Variants in CFAP20DC observed in about 807,000 individuals in gnomAD.
CFAP20DC encodes CFAP20 domain containing, also known as protein CFAP20DC.
Under a neutral mutation model 101.7 loss-of-function variants are expected in CFAP20DC, and 84 were observed. The observed-to-expected ratio is 0.83, with a 90% confidence interval of 0.69 to 0.99. The LOEUF (loss-of-function observed/expected upper bound fraction) is 0.99. Among genes scored for constraint, CFAP20DC ranks in the 50% least tolerant of loss-of-function variants. The pLI is 0.00. For missense variants in CFAP20DC, 1,007 were observed against 970.3 expected, an observed-to-expected ratio of 1.04 and a Z score of -0.50; for synonymous variants, 359 against 351.2, an observed-to-expected ratio of 1.02 and a Z score of -0.25.
At position 58,849,142 on chromosome 3, in the gene CFAP20DC, G is replaced by A; in HGVS notation, c.1861C>T (p.Pro621Ser). The change falls in exon 13 of 17, where the codon CCC becomes TCC. Residue 621 changes from proline (P) to serine (S), a missense_variant. Coordinates refer to ENST00000482387, the MANE Select transcript of CFAP20DC (RefSeq NM_001394063.1). ...GATAGATCCTTCGCTTTGATTACGG[G>A]CTCTGGAGTTTTCTGACAGGACCCA... ...RCGSCQKTPEPVIKAKDLSAQ... is the reference protein window; with the variant it reads ...RCGSCQKTPESVIKAKDLSAQ... The A allele has an allele frequency of 6.5e-7, 1 of 1,536,006 alleles. No individual in the cohort carries two copies. Among genetic ancestry groups the A allele is most frequent in the Non-Finnish European group, 8.7e-7 (1 of 1,146,914 alleles).
At chr3:58,980,732 A>C (rs986983724) in intron 4 of CFAP20DC, among the ~76,000 whole-genome samples, 1 of 152,250 alleles carries the variant, frequency 6.6e-6, no homozygotes, top group Non-Finnish European at 1.5e-5. Flanking sequence ...ATCTATGACA[A>C]ACCCACAGCG....
intron 16 of CFAP20DC, among the ~76,000 whole-genome samples, chr3:58,747,769 T>C (rs1333453200): frequency 6.6e-6 from 1 of 152,122 alleles, no homozygotes; most frequent in African/African-American, 2.4e-5. Flanking sequence ...ACCACCAACA[T>C]ATCTCACAGT....
intron 4 of CFAP20DC, among the ~76,000 whole-genome samples, chr3:58,975,267 G>GT (rs200034229): frequency 0.01 from 1,556 of 151,966 alleles, 29 homozygotes; most frequent in African/African-American, 0.035. Context: ...TCCTTTGCCA[G>GT]TTTTTTTCAG....
At position 58,993,099 on chromosome 3, in the gene CFAP20DC, T is replaced by C. The variant is rs374103298; in HGVS notation, c.278+46458A>G. 5.3e-5 allele frequency among the ~76,000 whole-genome samples: 8 copies of C among 152,236 alleles called. No individual in the cohort carries two copies. The South Asian group carries it at 8.3e-4, about 16-fold the overall frequency. On this transcript the variant is annotated intron_variant, in intron 4 of 16. Transcript: ENST00000482387. ...TGAGGAATTCAAACTGTTTCTAAAA[T>C]AGAATAGTAGTGTTGAATATATCTA... is the stretch of plus-strand genomic sequence containing the variant.
intron 14 of CFAP20DC, among the ~76,000 whole-genome samples, chr3:58,826,453 CT>C (rs2076047166): frequency 6.6e-6 from 1 of 152,156 alleles, no homozygotes; most frequent in Admixed American, 6.6e-5. Flanking sequence ...TATCCCTCCC[CT>C]AGCCCCCTAC....
At chr3:58,999,184 C>A (rs2093231367) in intron 4 of CFAP20DC, among the ~76,000 whole-genome samples, 1 of 152,210 alleles carries the variant, frequency 6.6e-6, no homozygotes, top group African/African-American at 2.4e-5. Context: ...TGTGAACACA[C>A]AGATTATGGG....
intron 7 of CFAP20DC, among the ~76,000 whole-genome samples, chr3:58,879,145 C>A (rs1304156718): frequency 2.0e-5 from 3 of 152,018 alleles, no homozygotes; most frequent in South Asian, 4.1e-4. Flanking sequence ...GTAGAGTTAA[C>A]AATAATCTAT....
At chr3:58,807,567 A>G (rs556041195) in intron 14 of CFAP20DC, among the ~76,000 whole-genome samples, 4 of 152,346 alleles carry the variant, frequency 2.6e-5, no homozygotes, top group African/African-American at 9.6e-5. Context: ...CCCCATCTGT[A>G]CATCACCATC....
At chr3:58,898,294 C>T (rs987043370) in intron 6 of CFAP20DC, among the ~76,000 whole-genome samples, 3 of 151,994 alleles carry the variant, frequency 2.0e-5, no homozygotes, top group African/African-American at 7.3e-5. Context: ...CCTGCCTTAG[C>T]CTCCCAAGTA....
chr3:58,723,679 C>T (rs922106411), intron 3 of CFAP20DC, among the ~76,000 whole-genome samples: 2 of 152,156 alleles, frequency 1.3e-5, no homozygotes, highest in Non-Finnish European at 2.9e-5. Flanking sequence ...GCTTGATGAC[C>T]TTTGGCAGAT....
intron 15 of CFAP20DC, among the ~76,000 whole-genome samples, chr3:58,778,708 G>T (rs1419654162): frequency 6.6e-6 from 1 of 152,202 alleles, no homozygotes; most frequent in East Asian, 1.9e-4. Flanking sequence ...CTGCCCTGGG[G>T]CCCAAATACA....
At position 58,806,415 on chromosome 3, in the gene CFAP20DC, TGG is replaced by T; in HGVS notation, c.2215_2216del (p.Pro739ThrfsTer5). ...QGRHYQKEMN[P>X]PSPSNPRDWL... ...CTTACCGGGGATTAGAAGGAGAAGG[TGG>T]GTTCATTTCTTTCTGATAGTGGCGA... is the stretch of plus-strand genomic sequence containing the variant. On this transcript the variant is annotated frameshift_variant, in exon 15 of 17. Coordinates refer to ENST00000482387, the MANE Select transcript of CFAP20DC (RefSeq NM_001394063.1). LOFTEE classifies it high-confidence loss of function. 7 of 1,608,920 alleles carry T rather than the reference TGG, an allele frequency of 4.4e-6. No homozygotes were observed. Among genetic ancestry groups the T allele is most frequent in the Non-Finnish European group, 6.0e-6 (7 of 1,175,590 alleles).
intron 4 of CFAP20DC, among the ~76,000 whole-genome samples, chr3:58,986,597 G>A (rs1319694228): frequency 6.6e-6 from 1 of 152,126 alleles, no homozygotes; most frequent in African/African-American, 2.4e-5. Context: ...TGAGTAAAAA[G>A]TCGACTGTGA....
At chr3:58,808,093 G>A (rs1475519884) in intron 14 of CFAP20DC, among the ~76,000 whole-genome samples, 1 of 152,238 alleles carries the variant, frequency 6.6e-6, no homozygotes, top group African/African-American at 2.4e-5. Flanking sequence ...TATGATTGGT[G>A]TACTTGAAAG....
chr3:58,779,239 T>G (rs973868500), intron 15 of CFAP20DC, among the ~76,000 whole-genome samples: 2 of 152,068 alleles, frequency 1.3e-5, no homozygotes, highest in Admixed American at 1.3e-4. Context: ...CAATTCAGGA[T>G]ATGAGTGAGA....
chr3:58,929,348 TAGTGACAA>T (rs1180683813), intron 5 of CFAP20DC, among the ~76,000 whole-genome samples: 1 of 152,276 alleles, frequency 6.6e-6, no homozygotes, highest in African/African-American at 2.4e-5. Flanking sequence ...AAAAGCAAGG[TAGTGACAA>T]ATTTGATTTA....
intron 14 of CFAP20DC, among the ~76,000 whole-genome samples, chr3:58,815,017 C>T (rs1253996923): frequency 6.6e-6 from 1 of 151,346 alleles, no homozygotes. Flanking sequence ...CTTTAAAGTT[C>T]ATATGGAACC....
intron 3 of CFAP20DC, among the ~76,000 whole-genome samples, chr3:59,042,295 C>G (rs147989243): frequency 1.1e-3 from 168 of 152,070 alleles, no homozygotes; most frequent in Middle Eastern, 0.01. Flanking sequence ...CAGCAGGAGA[C>G]GGGTTTGGCA....
At position 58,728,208 on chromosome 3, in the gene CFAP20DC, G is replaced by A. The variant is rs2067583259; in HGVS notation, c.198-10580C>T. 6.6e-6 allele frequency: 1 copy of A among 152,218 alleles called. No homozygotes were observed. The highest frequency in any genetic ancestry group is 6.5e-5 in the Admixed American group (1 of 15,290). The allele number at this position is 152,218 out of a possible 1,614,324, so 9.4% of individuals were successfully genotyped here. On this transcript the variant is annotated intron_variant, in intron 3 of 3. Coordinates refer to the CFAP20DC transcript ENST00000486145. This position sits in a 1 kb window ranked among gnomAD's most constrained non-coding sequence, Gnocchi z 4.7. Reference sequence around the variant, plus strand: ...CTGATTATTCTGGTAAGTGGGCTAAGTCTATAGTAACATGTTATTATAATT... The same window carrying A: ...CTGATTATTCTGGTAAGTGGGCTAAATCTATAGTAACATGTTATTATAATT...
Sources: allele counts gnomAD v4.1 joint callset (sites outside exome capture counted in the v4.1 genomes callset), GRCh38; gene constraint gnomAD v4.1.1; non-coding constraint Gnocchi (gnomAD v3.1); transcripts MANE v1.5; gene names NCBI Gene and HGNC (gene_info 2026-07-23, HGNC 2026-07-21).